MYH10: variants seen among roughly 807,000 people sequenced by gnomAD.
MYH10 encodes the protein myosin-10.
In MYH10, 55 loss-of-function variants were observed where a neutral mutation model predicts 257.8. That is an observed-to-expected ratio of 0.21 (90% CI 0.17 to 0.27). MYH10 has a LOEUF of 0.27. MYH10 is among the 10% of genes least tolerant of loss of function. The pLI is 1.00. For synonymous variants in MYH10, 854 were observed against 921.7 expected (o/e 0.93, Z 1.33); for missense variants, 1,631 against 2,500.6 (o/e 0.65, Z 7.42).
Position 8,512,481 on chromosome 17 carries a change from A to G in MYH10, c.2922T>C (p.Asn974=). 1.2e-6 allele frequency: 2 copies of G among 1,612,160 alleles called. No homozygotes were observed. The highest frequency in any genetic ancestry group is 1.7e-6 in the Non-Finnish European group (2 of 1,179,452). The change falls in exon 24 of 43, where the codon AAT becomes AAC. Residue 974 remains asparagine, a synonymous_variant. Transcript: ENST00000360416. The stretch of plus-strand genomic sequence containing the variant: ...TATGTGCTTGCATTTTTTTCTTTTC[A>G]TTTTGGAGGATTTGGTTTCTTTCTT... ...EEEERNQILQ[N]EKKKMQAHIQ... is the part of the protein sequence containing the mutation.
intron 37 of MYH10, among the ~76,000 whole-genome samples, chr17:8,483,372 C>T (rs1431923664): frequency 1.3e-5 from 2 of 152,174 alleles, no homozygotes; most frequent in African/African-American, 4.8e-5. Flanking sequence ...AGCTGGCTCT[C>T]AGGTTCTCTC....
chr17:8,516,974 T>TA (rs1353687660), intron 21 of MYH10, among the ~76,000 whole-genome samples: 6 of 151,314 alleles, frequency 4.0e-5, no homozygotes, highest in South Asian at 2.1e-4. Flanking sequence ...CCATCTCTAC[T>TA]AAAAAAAATA....
chr17:8,545,364 G>T lies in MYH10; in HGVS notation c.1431+84C>A. Reference sequence around the variant, plus strand: ...GGACTGTATCCCTGGTGCCTCGTATGTACTGGGCACACAGTAAGCCTTCAT... The same window carrying T: ...GGACTGTATCCCTGGTGCCTCGTATTTACTGGGCACACAGTAAGCCTTCAT... On this transcript the variant is annotated intron_variant, in intron 13 of 42. Transcript: ENST00000360416. The surrounding 1 kb of genome is among the most constrained non-coding windows in gnomAD (Gnocchi z 4.7). The T allele has an allele frequency of 6.8e-7, 1 of 1,464,932 alleles. No individual in the cohort carries two copies. The highest frequency in any genetic ancestry group is 9.4e-7 in the Non-Finnish European group (1 of 1,061,600). 90.7% of individuals were successfully genotyped at this position (1,464,932 alleles called of 1,614,324 possible). A position where few individuals can be genotyped will look rare whatever the true frequency, so the allele number is the denominator to read the frequency against.
intron 16 of MYH10, among the ~76,000 whole-genome samples, chr17:8,533,292 G>A (rs1237892293): frequency 6.6e-6 from 1 of 152,126 alleles, no homozygotes; most frequent in African/African-American, 2.4e-5. Flanking sequence ...CACTAGAGAT[G>A]GGACATGAGG....
At chr17:8,542,713 G>A (rs1465168294) in intron 13 of MYH10, among the ~76,000 whole-genome samples, 1 of 152,220 alleles carries the variant, frequency 6.6e-6, no homozygotes, top group Non-Finnish European at 1.5e-5. Context: ...GCGCGCTTCT[G>A]AAGCTGGGGT....
In MYH10 at chr17:8,545,420, C is replaced by A. The variant is rs202086865; in HGVS notation, c.1431+28G>T. 2 of 1,609,556 alleles carry A rather than the reference C, an allele frequency of 1.2e-6. No individual in the cohort carries two copies. The highest frequency in any genetic ancestry group is 1.3e-5 in the African/African-American group (1 of 74,606). On this transcript the variant is annotated intron_variant, in intron 13 of 42. Coordinates refer to ENST00000360416, the MANE Select transcript of MYH10 (RefSeq NM_001256012.3). The surrounding 1 kb of genome is among the most constrained non-coding windows in gnomAD (Gnocchi z 4.7). ...TTAAAAGAACAAACAAAAAGAAGGA[C>A]GAGCTAGAGGAAGAGGGGGAAGAAT...
At chr17:8,508,854 C>T (rs1421008180) in intron 25 of MYH10, among the ~76,000 whole-genome samples, 177 bp from the exon 26 acceptor site, 2 of 152,150 alleles carry the variant, frequency 1.3e-5, no homozygotes, top group African/African-American at 2.4e-5. Context: ...AATGATGAAC[C>T]GGATACACGA....
At chr17:8,628,078 A>G (rs906797336) in intron 1 of MYH10, among the ~76,000 whole-genome samples, 1 of 152,244 alleles carries the variant, frequency 6.6e-6, no homozygotes, top group Admixed American at 6.5e-5. Context: ...CCAATCAATT[A>G]CGGCTTAAAA....
At chr17:8,577,119 T>G (rs1268131798) in intron 5 of MYH10, 117 bp downstream of exon 5, 1 of 684,810 alleles carries the variant, frequency 1.5e-6, no homozygotes, top group Non-Finnish European at 2.4e-6. Flanking sequence ...GGGGAGCAGG[T>G]GGAGACAAGG....
intron 17 of MYH10, among the ~76,000 whole-genome samples, chr17:8,525,795 T>C (rs1240805985): frequency 1.3e-5 from 2 of 152,222 alleles, no homozygotes; most frequent in Admixed American, 6.5e-5. Flanking sequence ...TTTCAGTTCT[T>C]GTTTTTTGTT....
intron 27 of MYH10, 100 bp from the exon 28 acceptor site, chr17:8,505,006 C>T: frequency 1.1e-6 from 1 of 941,738 alleles, no homozygotes; most frequent in South Asian, 1.5e-5. Context: ...CACGAGACCC[C>T]AGCCCCACAT....
chr17:8,621,525 C>T (rs1189272760), intron 2 of MYH10, among the ~76,000 whole-genome samples: 1 of 152,154 alleles, frequency 6.6e-6, no homozygotes, highest in Non-Finnish European at 1.5e-5. Context: ...ATTGCGGTCA[C>T]CCTACACGTG....
intron 7 of MYH10, among the ~76,000 whole-genome samples, chr17:8,556,758 T>C (rs148080817): frequency 7.3e-4 from 111 of 152,344 alleles, no homozygotes; most frequent in South Asian, 2.7e-3. Flanking sequence ...GTGAATTTTA[T>C]TGTATGCCAA....
chr17:8,546,396 CT>C (rs1322800440), intron 12 of MYH10, 147 bp downstream of exon 12: 3 of 599,812 alleles, frequency 5.0e-6, no homozygotes, highest in Admixed American at 8.2e-5. Flanking sequence ...AGTAAATATA[CT>C]TAAAAAAAAA....
Position 8,474,232 on chromosome 17 carries a change from T to C in MYH10, c.*1572A>G, listed in dbSNP as rs1224928339. The C allele has an allele frequency of 6.6e-6, 1 of 152,664 alleles. No individual in the cohort carries two copies. Among genetic ancestry groups the C allele is most frequent in the Non-Finnish European group, 1.5e-5 (1 of 68,040 alleles). 9.5% of individuals were successfully genotyped at this position (152,664 alleles called of 1,614,324 possible). A position where few individuals can be genotyped will look rare whatever the true frequency, so the allele number is the denominator to read the frequency against. ...CCACGTTCACATGATTATTCTTGTT[T>C]ATTGAGGTCTCTTTATTCTCCACGG... is the stretch of plus-strand genomic sequence containing the variant. On this transcript the variant is annotated 3_prime_UTR_variant, in exon 43 of 43. Coordinates refer to ENST00000360416, the MANE Select transcript of MYH10 (RefSeq NM_001256012.3).
chr17:8,589,149 C>G, intron 3 of MYH10, 41 bp from the exon 4 acceptor site: 2 of 1,597,566 alleles, frequency 1.3e-6, no homozygotes, highest in Non-Finnish European at 1.7e-6. Flanking sequence ...AGAAAGTGAC[C>G]ATTTGCCTGG....
In MYH10 at chr17:8,477,221, G is replaced by A. The variant is rs1912829407; in HGVS notation, c.5707-173C>T. 6.6e-6 allele frequency among the ~76,000 whole-genome samples: 1 copy of A among 152,052 alleles called. No homozygotes were observed. Among genetic ancestry groups the A allele is most frequent in the Non-Finnish European group, 1.5e-5 (1 of 68,004 alleles). ...TCGGAGGCTCTGTAACCGGCCTGCC[G>A]CTCTCAGCAAAGCTAGCATCTACAA... On this transcript the variant is annotated intron_variant, in intron 41 of 42. Coordinates refer to ENST00000360416, the MANE Select transcript of MYH10 (RefSeq NM_001256012.3). The surrounding 1 kb of genome is among the most constrained non-coding windows in gnomAD (Gnocchi z 4.2).
At chr17:8,498,182 C>T (rs950230811) in intron 30 of MYH10, among the ~76,000 whole-genome samples, 1 of 151,806 alleles carries the variant, frequency 6.6e-6, no homozygotes, top group Admixed American at 6.6e-5. Context: ...GACAGGGTTT[C>T]GCCATGTTGG....
Position 8,579,112 on chromosome 17 carries a change from C to CA in MYH10, c.531-1775dup, listed in dbSNP as rs917968404. Among the ~76,000 whole-genome samples, 36 of 151,476 alleles carry CA rather than the reference C, an allele frequency of 2.4e-4. No individual in the cohort carries two copies. In the East Asian group the frequency reaches 2.7e-3, roughly 11 times the overall value. ...GGCAGCATAATGAGACCCACATCTACAAAAAAAACACAACAAATCAGCTGG... is the reference window on the plus strand; with the variant it reads ...GGCAGCATAATGAGACCCACATCTACAAAAAAAAACACAACAAATCAGCTGG... On this transcript the variant is annotated intron_variant, in intron 4 of 42. Transcript: ENST00000360416.
Sources: allele counts gnomAD v4.1 joint callset (sites outside exome capture counted in the v4.1 genomes callset), GRCh38; gene constraint gnomAD v4.1.1; non-coding constraint Gnocchi (gnomAD v3.1); transcripts MANE v1.5; gene names NCBI Gene and HGNC (gene_info 2026-07-23, HGNC 2026-07-21).